The following PRR5L variants were observed in gnomAD, a reference collection of about 807,000 sequenced individuals.
PRR5L encodes proline rich 5 like.
PRR5L carries 21 observed loss-of-function variants against 36.4 expected under a neutral mutation model. The observed-to-expected ratio is 0.58, with a 90% CI of 0.41 to 0.83. The LOEUF is 0.83. Among genes scored for constraint, PRR5L ranks in the 40% least tolerant of loss-of-function variants. The pLI, the probability that PRR5L is intolerant of heterozygous loss-of-function variation, is 0.00. For synonymous variants in PRR5L, 188 were observed against 197.0 expected, an observed-to-expected ratio of 0.95 and a Z score of 0.38; for missense variants, 381 against 473.3, an observed-to-expected ratio of 0.80 and a Z score of 1.81.
intron 1 of PRR5L, among the ~76,000 whole-genome samples, chr11:36,298,422 A>G (rs1036295632): frequency 5.3e-5 from 8 of 152,196 alleles, no homozygotes; most frequent in African/African-American, 1.9e-4. Flanking sequence ...CCAATTAGAC[A>G]GTCCCATATG....
intron 1 of PRR5L, among the ~76,000 whole-genome samples, chr11:36,316,088 C>T (rs927420224): frequency 3.3e-5 from 5 of 152,122 alleles, no homozygotes; most frequent in African/African-American, 1.2e-4. Context: ...GTGTATTAGT[C>T]TAGGACAGGA....
intron 6 of PRR5L, among the ~76,000 whole-genome samples, chr11:36,441,142 A>G (rs1393307462): frequency 6.6e-6 from 1 of 152,184 alleles, no homozygotes; most frequent in Non-Finnish European, 1.5e-5. Flanking sequence ...ATCGCAAAAT[A>G]CAATCATTCC....
At chr11:36,426,837 G>GGCTGTTGT (rs1387419159) in intron 4 of PRR5L, among the ~76,000 whole-genome samples, 4 of 152,208 alleles carry the variant, frequency 2.6e-5, no homozygotes, top group Non-Finnish European at 5.9e-5. Context: ...AGTGTTTACA[G>GGCTGTTGT]AATTCCTGCT....
At chr11:36,340,845 C>T (rs1057119622) in intron 1 of PRR5L, among the ~76,000 whole-genome samples, 3 of 152,158 alleles carry the variant, frequency 2.0e-5, no homozygotes, top group Non-Finnish European at 4.4e-5. Flanking sequence ...CAAAGTTGAA[C>T]TTGCACTAGA....
intron 1 of PRR5L, among the ~76,000 whole-genome samples, chr11:36,381,447 G>A (rs1857365864): frequency 1.3e-5 from 2 of 151,166 alleles, no homozygotes; most frequent in South Asian, 4.2e-4. Flanking sequence ...GGGCAGGGTA[G>A]GGGTGGGTGG....
At position 36,422,464 on chromosome 11, in the gene PRR5L, C is replaced by G. The variant is rs891814447; in HGVS notation, c.294+3161C>G. Among the ~76,000 whole-genome samples, 4 of 152,300 alleles carry G rather than the reference C, an allele frequency of 2.6e-5. No homozygotes were observed. In the East Asian group the frequency reaches 7.7e-4, roughly 29 times the overall value. ...AGATGGGCTTCCTGGGTGCTGGGCT[C>G]TGCATTGCAGAGGCTCAGATGGCCA... On this transcript the variant is annotated intron_variant, in intron 4 of 8. Transcript: ENST00000530639.
intron 1 of PRR5L, among the ~76,000 whole-genome samples, chr11:36,311,752 G>A (rs552306012): frequency 7.7e-4 from 117 of 152,230 alleles, no homozygotes; most frequent in Non-Finnish European, 1.4e-3. Context: ...GGTGGATAGC[G>A]TTGGAATTTT....
chr11:36,360,777 C>T (rs991520963), intron 1 of PRR5L, among the ~76,000 whole-genome samples: 2 of 152,180 alleles, frequency 1.3e-5, no homozygotes, highest in Non-Finnish European at 2.9e-5. Flanking sequence ...AACACTTACA[C>T]CTGGTGATCC....
chr11:36,375,053 G>A (rs1321096606), intron 1 of PRR5L, among the ~76,000 whole-genome samples: 2 of 152,044 alleles, frequency 1.3e-5, no homozygotes, highest in Non-Finnish European at 2.9e-5. Flanking sequence ...TGGCCAACAT[G>A]GTGAAACCCT....
chr11:36,358,494 A>T (rs1283044190), intron 1 of PRR5L, among the ~76,000 whole-genome samples: 1 of 152,196 alleles, frequency 6.6e-6, no homozygotes, highest in Non-Finnish European at 1.5e-5. Flanking sequence ...AAGTATGTAC[A>T]TTTTTTAGGC....
intron 1 of PRR5L, among the ~76,000 whole-genome samples, chr11:36,355,535 CTGCTT>C (rs1239371376): frequency 1.3e-5 from 2 of 149,396 alleles, no homozygotes; most frequent in Non-Finnish European, 3.0e-5. Flanking sequence ...AGCCCATGCT[CTGCTT>C]TGCTTTGCTT....
chr11:36,359,834 C>T (rs1667546521), intron 1 of PRR5L, among the ~76,000 whole-genome samples: 1 of 152,164 alleles, frequency 6.6e-6, no homozygotes, highest in Admixed American at 6.5e-5. Context: ...CACCTGAGGT[C>T]AGGAGTTTGA....
intron 1 of PRR5L, chr11:36,379,363 T>C (rs1240604367): frequency 6.7e-6 from 1 of 148,676 alleles, no homozygotes; most frequent in African/African-American, 2.5e-5. Flanking sequence ...GCCTTTTTCC[T>C]TTTCATTCTT....
At chr11:36,444,982 G>A (rs1858797888) in intron 6 of PRR5L, among the ~76,000 whole-genome samples, 1 of 152,168 alleles carries the variant, frequency 6.6e-6, no homozygotes. Context: ...GATATTGAAG[G>A]AATAAAACCC....
chr11:36,342,154 A>G (rs776265080), intron 1 of PRR5L, among the ~76,000 whole-genome samples: 1 of 152,078 alleles, frequency 6.6e-6, no homozygotes, highest in Non-Finnish European at 1.5e-5. Flanking sequence ...CCCATGTCCT[A>G]CTCCGCACTC....
intron 1 of PRR5L, among the ~76,000 whole-genome samples, chr11:36,310,059 A>G (rs1407809936): frequency 2.6e-5 from 2 of 77,732 alleles, no homozygotes; most frequent in Admixed American, 1.5e-4. Context: ...GTGTCCTCTC[A>G]AAAGAACACA....
intron 1 of PRR5L, among the ~76,000 whole-genome samples, chr11:36,353,328 C>T (rs111793841): frequency 6.6e-6 from 1 of 152,174 alleles, no homozygotes; most frequent in African/African-American, 2.4e-5. Flanking sequence ...TTGATGAGCT[C>T]CAGCATCACA....
intron 8 of PRR5L, chr11:36,455,408 ATGAATGCCAG>A (rs1435224377): frequency 1.3e-5 from 2 of 153,312 alleles, no homozygotes; most frequent in African/African-American, 4.8e-5. Flanking sequence ...GGTGCAGGGG[ATGAATGCCAG>A]TGAATGCCAG....
At chr11:36,352,077 C>G (rs1378993666) in intron 1 of PRR5L, among the ~76,000 whole-genome samples, 2 of 151,860 alleles carry the variant, frequency 1.3e-5, no homozygotes, top group African/African-American at 4.8e-5. Context: ...TGACTGCATC[C>G]CCGCCAACAT....
Sources: allele counts gnomAD v4.1 joint callset (sites outside exome capture counted in the v4.1 genomes callset), GRCh38; gene constraint gnomAD v4.1.1; transcripts MANE v1.5; gene names NCBI Gene and HGNC (gene_info 2026-07-23, HGNC 2026-07-21).